NAALADL2: variants seen among roughly 807,000 people sequenced by gnomAD.
NAALADL2 encodes inactive N-acetylated-alpha-linked acidic dipeptidase-like protein 2.
NAALADL2 carries 76 observed loss-of-function variants against 87.2 expected under a neutral mutation model. That is an observed-to-expected ratio of 0.87 (90% CI 0.72 to 1.05). NAALADL2 has a LOEUF of 1.05. Ranked by LOEUF, NAALADL2 falls within the 50% of genes least tolerant of loss-of-function variation. NAALADL2 has a pLI of 0.00. For synonymous variants in NAALADL2, 354 were observed against 331.0 expected, an observed-to-expected ratio of 1.07 and a Z score of -0.75; for missense variants, 1,089 against 945.8, an observed-to-expected ratio of 1.15 and a Z score of -1.99.
intron 2 of NAALADL2, among the ~76,000 whole-genome samples, chr3:174,669,729 G>A (rs918760792): frequency 6.6e-6 from 1 of 152,080 alleles, no homozygotes; most frequent in African/African-American, 2.4e-5. Context: ...GGGGTCTCTT[G>A]AGATTACATA....
At chr3:175,580,166 T>C (rs1274465527) in intron 10 of NAALADL2, among the ~76,000 whole-genome samples, 1 of 152,136 alleles carries the variant, frequency 6.6e-6, no homozygotes, top group African/African-American at 2.4e-5. Context: ...TCTTACTAAA[T>C]TTTTTTAAAG....
At chr3:175,589,823 T>C (rs960680160) in intron 10 of NAALADL2, among the ~76,000 whole-genome samples, 4 of 147,264 alleles carry the variant, frequency 2.7e-5, no homozygotes, top group African/African-American at 1.0e-4. Context: ...ACCAAAAACC[T>C]CCCCGAATGG....
rs1017137233 is a variant in NAALADL2 at position 174,561,061 on chromosome 3, A to T, written c.-115+10424A>T. On this transcript the variant is annotated intron_variant, in intron 2 of 3. Transcript: ENST00000434257. The stretch of plus-strand genomic sequence containing the variant: ...ATAGCAGGGTCTTGTAGTGGGGAAG[A>T]GAGATTAGGCTTAACTTTGAATACA... Among the ~76,000 whole-genome samples, 103 of 152,188 alleles carry T rather than the reference A, an allele frequency of 6.8e-4. 1 individual carries two copies. Among genetic ancestry groups the T allele is most frequent in the Non-Finnish European group, 1.2e-3 (84 of 68,030 alleles).
intron 11 of NAALADL2, among the ~76,000 whole-genome samples, chr3:175,667,223 GAAA>G (rs1560943075): frequency 2.8e-4 from 35 of 127,080 alleles, no homozygotes; most frequent in African/African-American, 8.9e-4. Flanking sequence ...AAGAAAGAAA[GAAA>G]GAAAGAAAGA....
intron 5 of NAALADL2, among the ~76,000 whole-genome samples, chr3:175,367,163 T>G (rs1765708544): frequency 6.6e-6 from 1 of 151,518 alleles, no homozygotes. Context: ...AAAGATCAGA[T>G]AGTTGTAGAT....
rs568672288 is a variant in NAALADL2 at position 174,657,107 on chromosome 3, A to G, written c.-114-80534A>G. On this transcript the variant is annotated intron_variant, in intron 2 of 3. Coordinates refer to the NAALADL2 transcript ENST00000434257. ...TTCAACGGTGTGATCTTTGCTCACT[A>G]CAACCTCTACCTCTTGTGCTCAAGC... is the stretch of plus-strand genomic sequence containing the variant. Among the ~76,000 whole-genome samples the G allele has an allele frequency of 2.1e-4, 27 of 130,282 alleles. No homozygotes were observed. The Admixed American group carries it at 2.2e-3, about 10-fold the overall frequency. The allele number at this position is 130,282 out of a possible 152,430, so 85.5% of individuals were successfully genotyped here.
chr3:174,809,959 C>A (rs549947860), intron 3 of NAALADL2, among the ~76,000 whole-genome samples: 1 of 152,202 alleles, frequency 6.6e-6, no homozygotes, highest in South Asian at 2.1e-4. Flanking sequence ...CACCTCCCCC[C>A]TCTCTTGGTC....
chr3:174,897,929 C>T (rs1731770107), intron 1 of NAALADL2, among the ~76,000 whole-genome samples: 1 of 138,018 alleles, frequency 7.2e-6, no homozygotes, highest in African/African-American at 3.3e-5. Flanking sequence ...CCGGCTAAAA[C>T]GGTGAAACCC....
At chr3:175,308,427 T>G (rs940545726) in intron 4 of NAALADL2, among the ~76,000 whole-genome samples, 8 of 151,976 alleles carry the variant, frequency 5.3e-5, no homozygotes, top group Non-Finnish European at 1.0e-4. Flanking sequence ...GGAAAGGAGG[T>G]AGGGGGTTGC....
chr3:174,804,347 C>G (rs953977436), intron 3 of NAALADL2, among the ~76,000 whole-genome samples: 1 of 152,156 alleles, frequency 6.6e-6, no homozygotes, highest in Non-Finnish European at 1.5e-5. Context: ...AGTTGCTTAT[C>G]AGCTTAAGGA....
intron 2 of NAALADL2, among the ~76,000 whole-genome samples, chr3:175,177,511 A>G (rs1033389139): frequency 1.3e-5 from 2 of 152,106 alleles, no homozygotes; most frequent in African/African-American, 4.8e-5. Flanking sequence ...GAATTTGAAG[A>G]ATGGGTTGGC....
chr3:175,465,100 T>C (rs904570635), intron 7 of NAALADL2, among the ~76,000 whole-genome samples: 1 of 151,988 alleles, frequency 6.6e-6, no homozygotes, highest in African/African-American at 2.4e-5. Context: ...ATTGACTATT[T>C]AATTAGCCGG....
intron 1 of NAALADL2, chr3:175,059,900 G>T: frequency 2.6e-6 from 1 of 381,982 alleles, no homozygotes; most frequent in Non-Finnish European, 5.2e-6. Flanking sequence ...ACAGGCAATG[G>T]GCCAGAGACT....
At chr3:175,274,746 T>A (rs4243409) in intron 4 of NAALADL2, among the ~76,000 whole-genome samples, 137,801 of 152,186 alleles carry the variant, frequency 0.91, 62,617 homozygotes, top group African/African-American at 0.98. Flanking sequence ...AGTGTTCAGT[T>A]AGTGAATTGA....
chr3:175,287,635 T>C (rs1039232195), intron 4 of NAALADL2, among the ~76,000 whole-genome samples: 2 of 152,204 alleles, frequency 1.3e-5, no homozygotes, highest in African/African-American at 4.8e-5. Context: ...CTATGCTTTT[T>C]CCAAGTTTAT....
intron 11 of NAALADL2, among the ~76,000 whole-genome samples, chr3:175,697,309 T>C (rs1482549786): frequency 6.6e-6 from 1 of 151,812 alleles, no homozygotes; most frequent in African/African-American, 2.4e-5. Flanking sequence ...AGAATCCTGT[T>C]TTCACACAAT....
chr3:175,615,017 C>T (rs748017489), intron 10 of NAALADL2, among the ~76,000 whole-genome samples: 1 of 152,102 alleles, frequency 6.6e-6, no homozygotes, highest in Non-Finnish European at 1.5e-5. Flanking sequence ...CAGCAATCTA[C>T]TCTCAATTTA....
chr3:174,912,739 T>C (rs1006828040), intron 1 of NAALADL2, among the ~76,000 whole-genome samples: 1 of 152,240 alleles, frequency 6.6e-6, no homozygotes, highest in Admixed American at 6.5e-5. Flanking sequence ...GTCTGTTTCA[T>C]GATCAGCACA....
At chr3:175,389,001 T>C (rs1768758751) in intron 5 of NAALADL2, among the ~76,000 whole-genome samples, 1 of 152,154 alleles carries the variant, frequency 6.6e-6, no homozygotes, top group African/African-American at 2.4e-5. Context: ...TTAATGGTAC[T>C]TTTTATCATT....
Sources: gnomAD v4.1 joint callset for allele counts (sites outside exome capture counted in the v4.1 genomes callset) on GRCh38, gnomAD v4.1.1 for gene constraint, MANE v1.5 for transcripts, NCBI Gene and HGNC (gene_info 2026-07-23, HGNC 2026-07-21) for gene names.